The following RPS6KC1 variants were observed in gnomAD, a reference collection of about 807,000 sequenced individuals.
RPS6KC1 encodes the protein ribosomal protein S6 kinase C1, also known as inactive ribosomal protein S6 kinase delta-1.
In RPS6KC1, 54 loss-of-function variants were observed where a neutral mutation model predicts 103.8. That is an observed-to-expected ratio of 0.52 (90% confidence interval 0.42 to 0.65). RPS6KC1 has a LOEUF of 0.65. RPS6KC1 is among the 30% of genes least tolerant of loss of function. The probability of loss-of-function intolerance (pLI) is 0.00; values close to 1 mark genes in which losing one functional copy is unlikely to be tolerated. For missense variants in RPS6KC1, 1,151 were observed against 1,253.8 expected (o/e 0.92, Z 1.24); for synonymous variants, 439 against 438.7 (o/e 1.00, Z -0.01).
chr1:213,650,015 C>T, the RPS6KC1 span, among the ~76,000 whole-genome samples: 1 of 152,308 alleles, frequency 6.6e-6, no homozygotes, highest in Admixed American at 6.5e-5. Context: ...CCCTGTTTTA[C>T]ACATGAGGAA....
the RPS6KC1 span, among the ~76,000 whole-genome samples, chr1:213,326,501 T>C: frequency 2.0e-5 from 3 of 152,250 alleles, no homozygotes; most frequent in Non-Finnish European, 4.4e-5. Flanking sequence ...GCTAATCATC[T>C]GAAGGCTGCC....
At chr1:213,828,482 C>G in the RPS6KC1 span, among the ~76,000 whole-genome samples, 1 of 152,274 alleles carries the variant, frequency 6.6e-6, no homozygotes, top group East Asian at 1.9e-4. Flanking sequence ...GTTTTAAAAA[C>G]AAGTTATAAA....
At chr1:213,518,897 G>A in the RPS6KC1 span, among the ~76,000 whole-genome samples, 1 of 152,176 alleles carries the variant, frequency 6.6e-6, no homozygotes, top group Non-Finnish European at 1.5e-5. Context: ...AAAGATGATT[G>A]TAGGTGAGTT....
chr1:213,508,953 C>T, the RPS6KC1 span, among the ~76,000 whole-genome samples: 2 of 152,184 alleles, frequency 1.3e-5, no homozygotes, highest in East Asian at 1.9e-4. Flanking sequence ...ATAGTAGAAC[C>T]TCCCAGGTGG....
the RPS6KC1 span, among the ~76,000 whole-genome samples, chr1:213,555,869 T>A: frequency 1.3e-5 from 2 of 152,250 alleles, no homozygotes; most frequent in Admixed American, 1.3e-4. Flanking sequence ...TCCTTTTCCT[T>A]CATCTTTTTC....
intron 6 of RPS6KC1, among the ~76,000 whole-genome samples, chr1:213,160,721 A>G (rs1247307252): frequency 1.3e-5 from 2 of 151,976 alleles, no homozygotes; most frequent in Non-Finnish European, 2.9e-5. Flanking sequence ...GAAGCTGGAA[A>G]CATAATTCTG....
At chr1:213,685,951 G>A in the RPS6KC1 span, among the ~76,000 whole-genome samples, 1 of 151,866 alleles carries the variant, frequency 6.6e-6, no homozygotes, top group Non-Finnish European at 1.5e-5. Context: ...TTTTTTTTGT[G>A]TGTGTGCAAA....
At chr1:213,323,166 C>A in the RPS6KC1 span, among the ~76,000 whole-genome samples, 1 of 152,152 alleles carries the variant, frequency 6.6e-6, no homozygotes, top group Admixed American at 6.6e-5. Context: ...CTCTGACCCT[C>A]CTCTTTCCCA....
chr1:213,379,515 G>A, the RPS6KC1 span, among the ~76,000 whole-genome samples: 1 of 152,174 alleles, frequency 6.6e-6, no homozygotes, highest in Admixed American at 6.5e-5. Context: ...GCCCCAAGAA[G>A]GAACTCATGC....
chr1:213,854,734 T>C, the RPS6KC1 span, among the ~76,000 whole-genome samples: 1 of 152,150 alleles, frequency 6.6e-6, no homozygotes, highest in Non-Finnish European at 1.5e-5. Flanking sequence ...GGGACTCAGA[T>C]GGACCACTTG....
the RPS6KC1 span, among the ~76,000 whole-genome samples, chr1:213,590,028 T>C: frequency 1.3e-5 from 2 of 151,970 alleles, no homozygotes; most frequent in African/African-American, 4.8e-5. Context: ...AAAATGTAAA[T>C]TTTTGTGACG....
chr1:213,207,475 T>A (rs1191829859), intron 8 of RPS6KC1, among the ~76,000 whole-genome samples: 1 of 152,140 alleles, frequency 6.6e-6, no homozygotes, highest in African/African-American at 2.4e-5. Context: ...CAAAATAGCT[T>A]TTGTTCAGCT....
At chr1:213,844,977 T>C in the RPS6KC1 span, among the ~76,000 whole-genome samples, 1 of 151,144 alleles carries the variant, frequency 6.6e-6, no homozygotes, top group Non-Finnish European at 1.5e-5. Flanking sequence ...AATACAGCCA[T>C]AGTGCATTCA....
At chr1:213,309,403 G>A in the RPS6KC1 span, among the ~76,000 whole-genome samples, 2 of 152,192 alleles carry the variant, frequency 1.3e-5, no homozygotes, top group African/African-American at 4.8e-5. Context: ...TGAGCCCTAA[G>A]AACACTGATG....
chr1:213,515,051 C>G, the RPS6KC1 span, among the ~76,000 whole-genome samples: 10 of 152,092 alleles, frequency 6.6e-5, no homozygotes, highest in African/African-American at 2.4e-4. Flanking sequence ...CTCTTCATAT[C>G]CTTTGCCCAC....
chr1:213,213,895 G>A (rs993688612), intron 8 of RPS6KC1, among the ~76,000 whole-genome samples: 1 of 152,168 alleles, frequency 6.6e-6, no homozygotes, highest in African/African-American at 2.4e-5. Context: ...TCATACTGGG[G>A]CAGTTCCAAG....
At chr1:213,203,886 C>T (rs1341187702) in intron 8 of RPS6KC1, among the ~76,000 whole-genome samples, 1 of 152,160 alleles carries the variant, frequency 6.6e-6, no homozygotes, top group Non-Finnish European at 1.5e-5. Flanking sequence ...TGTTAATTAG[C>T]GGGATGTCCT....
the RPS6KC1 span, among the ~76,000 whole-genome samples, chr1:213,692,006 C>A: frequency 6.6e-6 from 1 of 152,190 alleles, no homozygotes; most frequent in Non-Finnish European, 1.5e-5. Flanking sequence ...GTTGTTGCAG[C>A]AACCTCCATT....
At chr1:213,722,973 G>A in the RPS6KC1 span, among the ~76,000 whole-genome samples, 1 of 152,196 alleles carries the variant, frequency 6.6e-6, no homozygotes, top group Non-Finnish European at 1.5e-5. Flanking sequence ...GAGGTCAGGA[G>A]TTCGAGATCA....
Sources: gnomAD v4.1 joint callset for allele counts (sites outside exome capture counted in the v4.1 genomes callset) on GRCh38, gnomAD v4.1.1 for gene constraint, MANE v1.5 for transcripts, NCBI Gene and HGNC (gene_info 2026-07-23, HGNC 2026-07-21) for gene names.